The following SEPTIN4 variants were observed in gnomAD, a reference collection of about 807,000 sequenced individuals.
The protein encoded by SEPTIN4 is septin 4, also known as septin-4.
Under a neutral mutation model 107.1 loss-of-function variants are expected in SEPTIN4, and 52 were observed. That is an observed-to-expected ratio of 0.49 (90% CI 0.39 to 0.61). The LOEUF (loss-of-function observed/expected upper bound fraction) is 0.61, where lower values mean the gene tolerates loss of function less well. Ranked by LOEUF, SEPTIN4 falls within the 20% of genes least tolerant of loss-of-function variation. The pLI is 0.00. For missense variants in SEPTIN4, 1,048 were observed against 1,243.5 expected (o/e 0.84, Z 2.36); for synonymous variants, 417 against 467.0 (o/e 0.89, Z 1.38).
chr17:58,525,167 A>T lies in SEPTIN4; in HGVS notation c.2127T>A (p.His709Gln). The T allele has an allele frequency of 6.2e-7, 1 of 1,614,202 alleles. No individual in the cohort carries two copies. Among genetic ancestry groups the T allele is most frequent in the South Asian group, 1.1e-5 (1 of 91,084 alleles). The change falls in exon 7 of 14, where the codon CAT becomes CAA. Residue 709 changes from histidine (H) to glutamine (Q), a missense_variant. By Grantham distance (24) the His-to-Gln change is conservative. Coordinates refer to ENST00000672673, the MANE Select transcript of SEPTIN4 (RefSeq NM_001368771.2). ...CACCCTTCTCTTCTATGTCCACTGC[A>T]TGCTTAGTGATCTCCACAGTTTGCA... is the stretch of plus-strand genomic sequence containing the variant. ...RIMQTVEITK[H>Q]AVDIEEKGVR... is the part of the protein sequence containing the mutation.
rs1304968990 is a variant in SEPTIN4 at position 58,522,129 on chromosome 17, A to G, written c.2217-28T>C. 3.1e-6 allele frequency: 5 copies of G among 1,613,212 alleles called. No homozygotes were observed. In the African/African-American group the frequency reaches 5.3e-5, roughly 17 times the overall value. On this transcript the variant is annotated intron_variant, in intron 7 of 13. Coordinates refer to ENST00000672673, the MANE Select transcript of SEPTIN4 (RefSeq NM_001368771.2). ...GGGGCAGGGACAGACAAGCAGAGAA[A>G]CTGTGAGAGTGGGAGCCACCTAGTG...
rs566626727 is a variant in SEPTIN4, at chr17:58,543,209, T to G, written c.978A>C (p.Arg326=). 1 of 1,614,144 alleles carries G rather than the reference T, an allele frequency of 6.2e-7. No individual in the cohort carries two copies. The highest frequency in any genetic ancestry group is 2.2e-5 in the East Asian group (1 of 44,884). Residue 326 remains arginine, a synonymous_variant, in exon 1 of 14, where the codon CGA becomes CGC. Coordinates refer to ENST00000672673, the MANE Select transcript of SEPTIN4 (RefSeq NM_001368771.2). ...QVESNVRTPI[R]GNSEVGRRVT... ...CCCTGCGGCCAACCTCGCTGTTTCCTCGGATTGGGGTCCTCACGTTGGACT... is the reference window on the plus strand; with the variant it reads ...CCCTGCGGCCAACCTCGCTGTTTCCGCGGATTGGGGTCCTCACGTTGGACT...
chr17:58,527,001 A>AATAG (rs1204914184), intron 3 of SEPTIN4, 23 bp from the exon 4 acceptor site: 1 of 1,613,784 alleles, frequency 6.2e-7, no homozygotes, highest in Non-Finnish European at 8.5e-7. Flanking sequence ...GGGTGGGTAG[A>AATAG]ATAGATGGGT....
intron 3 of SEPTIN4, among the ~76,000 whole-genome samples, chr17:58,537,950 C>T (rs901309266): frequency 2.0e-5 from 3 of 151,444 alleles, no homozygotes; most frequent in African/African-American, 4.9e-5. Flanking sequence ...AGAGAAATGC[C>T]GGGTGCAGTG....
rs1263142060 is a variant in SEPTIN4, at chr17:58,520,748, C to T, written c.2926G>A (p.Glu976Lys). The T allele has an allele frequency of 3.1e-6, 5 of 1,614,162 alleles. No homozygotes were observed. Among genetic ancestry groups the T allele is most frequent in the Non-Finnish European group, 4.2e-6 (5 of 1,180,038 alleles). Residue 976 changes from glutamate (E) to lysine (K), a missense_variant, in exon 13 of 14, where the codon GAG (glutamate) becomes AAG (lysine). This residue lies in a region of SEPTIN4 where 261 missense variants were observed against 371.7 expected (regional missense o/e 0.70). Transcript: ENST00000672673. ...ATACCCCATACTGCTCTCACCTCCT[C>T]ATCTTTCTCTCGGATAAGCTTCTCA... ...ETEKLIREKD[E>K]ELRRMQEMLH... is the part of the protein sequence containing the mutation.
Position 58,521,764 on chromosome 17 carries a change from G to C in SEPTIN4, c.2441C>G (p.Pro814Arg). Residue 814 changes from proline (P) to arginine (R), a missense_variant, in exon 9 of 14, where the codon CCT becomes CGT. Coordinates refer to ENST00000672673, the MANE Select transcript of SEPTIN4 (RefSeq NM_001368771.2). The surrounding 1 kb of genome is among the most constrained non-coding windows in gnomAD (Gnocchi z 6.4). ...PILAKADTLTPPEVDHKKRKI... is the reference protein window; with the variant it reads ...PILAKADTLTRPEVDHKKRKI... ...GCGTTTCTTGTGGTCCACTTCGGGAGGTGTCAGTGTGTCTGCCTTAGCCAG... is the reference window on the plus strand; with the variant it reads ...GCGTTTCTTGTGGTCCACTTCGGGACGTGTCAGTGTGTCTGCCTTAGCCAG... 1 of 1,614,222 alleles carries C rather than the reference G, an allele frequency of 6.2e-7. No homozygotes were observed. The highest frequency in any genetic ancestry group is 1.3e-5 in the African/African-American group (1 of 75,052).
intron 3 of SEPTIN4, chr17:58,531,996 G>C: frequency 1.8e-6 from 2 of 1,141,644 alleles, no homozygotes; most frequent in South Asian, 8.5e-5. Context: ...GCTCCGCCTG[G>C]ACAGCGCCCG....
Position 58,526,769 on chromosome 17 carries a change from C to A in SEPTIN4, c.1824G>T (p.Gln608His). The A allele has an allele frequency of 6.2e-7, 1 of 1,613,712 alleles. No homozygotes were observed. Among genetic ancestry groups the A allele is most frequent in the Non-Finnish European group, 8.5e-7 (1 of 1,179,916 alleles). The change falls in exon 4 of 14, where the codon CAG becomes CAT. Residue 608 changes from glutamine (Q) to histidine (H), a missense_variant. This residue lies in a region of SEPTIN4 where 787 missense variants were observed against 871.8 expected (regional missense o/e 0.90). Transcript: ENST00000672673. ...PPSRPQSSDN[Q>H]QYFCAPAPLS... ...GAGGGGCTGGGGCACAGAAGTACTG[C>A]TGGTTGTCAGAGGACTGGGGCCGCG...
At chr17:58,542,225 C>T (rs926285030) in intron 1 of SEPTIN4, among the ~76,000 whole-genome samples, 3 of 152,168 alleles carry the variant, frequency 2.0e-5, no homozygotes, top group African/African-American at 7.2e-5. Flanking sequence ...GCATCCCACC[C>T]TCTCCACTTT....
At position 58,543,725 on chromosome 17, in the gene SEPTIN4, T is replaced by G. The variant is rs747735608; in HGVS notation, c.462A>C (p.Lys154Asn). ...GHHASSIPDAKSTHQLSFQDQ... is the reference protein window; with the variant it reads ...GHHASSIPDANSTHQLSFQDQ... ...CTTGAAAACTCAACTGATGAGTAGATTTGGCATCTGGGATTGATGAAGCAT... is the reference window on the plus strand; with the variant it reads ...CTTGAAAACTCAACTGATGAGTAGAGTTGGCATCTGGGATTGATGAAGCAT... Residue 154 changes from lysine to asparagine, a missense_variant, in exon 1 of 14, where the codon AAA becomes AAC. Physicochemically the swap from Lys to Asn is moderately conservative, Grantham distance 94. This residue lies in a region of SEPTIN4 where 787 missense variants were observed against 871.8 expected (regional missense o/e 0.90). Transcript: ENST00000672673. The G allele has an allele frequency of 1.9e-6, 3 of 1,614,098 alleles. No homozygotes were observed. The highest frequency in any genetic ancestry group is 2.5e-6 in the Non-Finnish European group (3 of 1,180,042).
chr17:58,527,014 T>C (rs1475836894), intron 3 of SEPTIN4, 36 bp from the exon 4 acceptor site: 3 of 1,613,062 alleles, frequency 1.9e-6, no homozygotes, highest in Non-Finnish European at 2.5e-6. Context: ...AGATGGGTGG[T>C]GCCGGGAAGG....
At position 58,520,549 on chromosome 17, in the gene SEPTIN4, C is replaced by T. The variant is rs555000693; in HGVS notation, c.2932-64G>A. 1.7e-5 allele frequency: 27 copies of T among 1,594,446 alleles called. No homozygotes were observed. In the Admixed American group the frequency reaches 4.2e-4, roughly 25 times the overall value. On this transcript the variant is annotated intron_variant, in intron 13 of 13. Coordinates refer to ENST00000672673, the MANE Select transcript of SEPTIN4 (RefSeq NM_001368771.2). ...GAGTCCTTTAGTATTGGGAAAGTGC[C>T]CCAAATTTCTAATCCCTTAAGCCAG...
intron 3 of SEPTIN4, among the ~76,000 whole-genome samples, chr17:58,532,881 T>C (rs886125122): frequency 6.6e-6 from 1 of 152,168 alleles, no homozygotes; most frequent in African/African-American, 2.4e-5. Flanking sequence ...GGAAGGCAGA[T>C]GCTTGGTGAG....
chr17:58,535,056 ACAGT>A (rs578166310), intron 3 of SEPTIN4, among the ~76,000 whole-genome samples: 65 of 152,344 alleles, frequency 4.3e-4, no homozygotes, highest in Middle Eastern at 3.4e-3. Context: ...CACTGACGAT[ACAGT>A]CAGAGAGTCC....
chr17:58,529,193 CCT>C, intron 3 of SEPTIN4: 1 of 1,614,188 alleles, frequency 6.2e-7, no homozygotes, highest in South Asian at 1.1e-5. Context: ...CTTCAGACTC[CCT>C]GTCAGAAAGC....
At chr17:58,529,230 G>A in intron 3 of SEPTIN4, 1 of 1,613,976 alleles carries the variant, frequency 6.2e-7, no homozygotes, top group Non-Finnish European at 8.5e-7. Flanking sequence ...TATCTCCCAG[G>A]CAAAGTTCCT....
intron 2 of SEPTIN4, among the ~76,000 whole-genome samples, chr17:58,541,364 C>G (rs886621265): frequency 2.0e-5 from 3 of 152,166 alleles, no homozygotes; most frequent in Admixed American, 6.5e-5. Flanking sequence ...AGAGGAGGGT[C>G]ACAAGGCCTG....
chr17:58,533,320 C>G (rs2043591129), intron 3 of SEPTIN4, among the ~76,000 whole-genome samples: 1 of 152,118 alleles, frequency 6.6e-6, no homozygotes, highest in African/African-American at 2.4e-5. Flanking sequence ...AGCTGGGTGG[C>G]CTTGAGCAAC....
At chr17:58,526,336 G>C in intron 4 of SEPTIN4, 23 bp from the exon 5 acceptor site, 2 of 1,521,622 alleles carry the variant, frequency 1.3e-6, no homozygotes, top group Non-Finnish European at 1.8e-6. Context: ...AAGGCAGAAT[G>C]CATCACGGTG....
Sources: gnomAD v4.1 joint callset for allele counts (sites outside exome capture counted in the v4.1 genomes callset) on GRCh38, gnomAD v4.1.1 for gene constraint, gnomAD v4.1.1 regional missense constraint, Gnocchi (gnomAD v3.1) non-coding constraint, MANE v1.5 for transcripts, NCBI Gene and HGNC (gene_info 2026-07-23, HGNC 2026-07-21) for gene names.